The following BCL7C variants were observed in gnomAD, a reference collection of about 807,000 sequenced individuals.
The protein encoded by BCL7C is BAF chromatin remodeling complex subunit BCL7C.
Under a neutral mutation model 26.2 loss-of-function variants are expected in BCL7C, and 8 were observed. The ratio of observed to expected loss-of-function variants is 0.30; its 90% CI spans 0.18 to 0.55. BCL7C has a LOEUF of 0.55. Ranked by LOEUF, BCL7C falls within the 20% of genes least tolerant of loss-of-function variation. The pLI is 0.93. For synonymous variants in BCL7C, 90 were observed against 116.5 expected, an observed-to-expected ratio of 0.77 and a Z score of 1.47; for missense variants, 262 against 298.5, an observed-to-expected ratio of 0.88 and a Z score of 0.90.
At chr16:30,889,360 G>C (rs767314514) in intron 4 of BCL7C, among the ~76,000 whole-genome samples, 1 of 152,140 alleles carries the variant, frequency 6.6e-6, no homozygotes, top group Non-Finnish European at 1.5e-5. Context: ...AAGCACAGTG[G>C]CTGGCACACA....
intron 5 of BCL7C, chr16:30,852,142 C>A: frequency 6.4e-6 from 1 of 156,440 alleles, no homozygotes; most frequent in South Asian, 1.9e-4. Context: ...TTCTCATCTT[C>A]AAGGCTCTTG....
At chr16:30,874,165 T>C (rs2054911295) in intron 5 of BCL7C, among the ~76,000 whole-genome samples, 1 of 151,716 alleles carries the variant, frequency 6.6e-6, no homozygotes, top group Admixed American at 6.6e-5. Context: ...CCGTCTAATT[T>C]TTGTATTTTT....
chr16:30,870,963 C>T (rs1014783755), intron 5 of BCL7C, among the ~76,000 whole-genome samples: 1 of 152,190 alleles, frequency 6.6e-6, no homozygotes, highest in East Asian at 1.9e-4. Flanking sequence ...GGAAGAATAG[C>T]GCCTGGGAAG....
chr16:30,867,384 C>T (rs988039657), intron 5 of BCL7C, among the ~76,000 whole-genome samples: 1 of 152,036 alleles, frequency 6.6e-6, no homozygotes, highest in African/African-American at 2.4e-5. Context: ...TCCTAAAATT[C>T]CCACACCCTA....
intron 5 of BCL7C, among the ~76,000 whole-genome samples, chr16:30,847,867 G>A (rs1317056255): frequency 6.6e-6 from 1 of 151,854 alleles, no homozygotes; most frequent in Non-Finnish European, 1.5e-5. Flanking sequence ...CTGAGACCCA[G>A]GAGAAAATGA....
chr16:30,858,018 G>T (rs1185596058), intron 5 of BCL7C, among the ~76,000 whole-genome samples: 2 of 151,860 alleles, frequency 1.3e-5, no homozygotes, highest in Non-Finnish European at 1.5e-5. Context: ...CCATGCCTTG[G>T]ATTGTAATAG....
downstream of BCL7C, among the ~76,000 whole-genome samples, chr16:30,885,745 T>TA (rs1223265921): frequency 6.6e-6 from 1 of 152,154 alleles, no homozygotes; most frequent in African/African-American, 2.4e-5. Flanking sequence ...GGCAATTTGT[T>TA]ACAGCAGTGA....
At chr16:30,835,171 T>C in intron 5 of BCL7C, 1 of 1,453,770 alleles carries the variant, frequency 6.9e-7, no homozygotes, top group Non-Finnish European at 9.1e-7. Flanking sequence ...AAGAAGAATC[T>C]GGGTAGTGTT....
intron 5 of BCL7C, chr16:30,875,735 A>G (rs2054940785): frequency 6.6e-6 from 1 of 152,196 alleles, no homozygotes. Flanking sequence ...CGTAATAAAT[A>G]CCGCTGGTGA....
intron 5 of BCL7C, among the ~76,000 whole-genome samples, chr16:30,866,015 G>A (rs1426342815): frequency 2.6e-5 from 4 of 151,692 alleles, no homozygotes; most frequent in Admixed American, 6.6e-5. Context: ...TATTACAGGC[G>A]TGAGCCACCT....
At chr16:30,885,314 C>T (rs2055115569), downstream of BCL7C, among the ~76,000 whole-genome samples, 1 of 152,138 alleles carries the variant, frequency 6.6e-6, no homozygotes, top group African/African-American at 2.4e-5. Flanking sequence ...AAGAGATCCT[C>T]CTCTGGAGGG....
chr16:30,880,635 A>T (rs1194907178), intron 5 of BCL7C, among the ~76,000 whole-genome samples: 1 of 151,572 alleles, frequency 6.6e-6, no homozygotes, highest in Non-Finnish European at 1.5e-5. Flanking sequence ...AGTGATAGTG[A>T]TGTTTTGTAT....
chr16:30,851,865 C>A, intron 5 of BCL7C: 1 of 242,598 alleles, frequency 4.1e-6, no homozygotes, highest in Non-Finnish European at 8.3e-6. Context: ...TCACACATCA[C>A]AATCTGATCA....
At chr16:30,847,861 G>C (rs772156447) in intron 5 of BCL7C, among the ~76,000 whole-genome samples, 1 of 151,804 alleles carries the variant, frequency 6.6e-6, no homozygotes, top group Non-Finnish European at 1.5e-5. Flanking sequence ...TACACACTGA[G>C]ACCCAGGAGA....
Position 30,892,661 on chromosome 16 carries a change from G to T in BCL7C, c.367C>A (p.Arg123Ser), listed in dbSNP as rs766297855. 1.8e-5 allele frequency: 29 copies of T among 1,613,626 alleles called. No homozygotes were observed. Among genetic ancestry groups the T allele is most frequent in the Non-Finnish European group, 2.4e-5 (28 of 1,179,856 alleles). Residue 123 changes from arginine (R) to serine (S), a missense_variant, in exon 4 of 6, where the codon CGC (arginine) becomes AGC (serine). By Grantham distance (110) the Arg-to-Ser change is moderately radical. Transcript: ENST00000215115. ...PSPGGTPQPSRPVSPAGPPEG... is the reference protein window; with the variant it reads ...PSPGGTPQPSSPVSPAGPPEG... ...GGGGGTCCGGCAGGTGACACAGGGC[G>T]GCTGGGCTGGGGGGTGCCCCCAGGA...
chr16:30,843,032 G>C (rs952440831), intron 5 of BCL7C, among the ~76,000 whole-genome samples: 1 of 152,230 alleles, frequency 6.6e-6, no homozygotes, highest in Non-Finnish European at 1.5e-5. Context: ...CACCAATCCT[G>C]TTCTTTCCAA....
exon 6 of BCL7C, chr16:30,835,003 C>T (rs1487367314): frequency 3.9e-6 from 6 of 1,548,448 alleles, no homozygotes; most frequent in East Asian, 4.9e-5. Flanking sequence ...CTTGCTGCCT[C>T]CCCCGGGAGC....
intron 5 of BCL7C, among the ~76,000 whole-genome samples, chr16:30,845,807 G>C (rs1036101693): frequency 6.6e-6 from 1 of 151,338 alleles, no homozygotes; most frequent in Non-Finnish European, 1.5e-5. Flanking sequence ...TCAAACTCCT[G>C]GGCTCAAGAG....
chr16:30,854,704 T>TATC (rs761839737), intron 5 of BCL7C, among the ~76,000 whole-genome samples: 12 of 69,928 alleles, frequency 1.7e-4, no homozygotes, highest in Non-Finnish European at 2.8e-4. Context: ...CACCACTCAC[T>TATC]TTCTTTTTTT....
Sources: allele counts gnomAD v4.1 joint callset (sites outside exome capture counted in the v4.1 genomes callset), GRCh38; gene constraint gnomAD v4.1.1; transcripts MANE v1.5; gene names NCBI Gene and HGNC (gene_info 2026-07-23, HGNC 2026-07-21).